Variants in FAM89A observed in about 807,000 individuals in gnomAD.
The protein encoded by FAM89A is protein FAM89A.
In FAM89A, 10 loss-of-function variants were observed where a neutral mutation model predicts 7.1. That is an observed-to-expected ratio of 1.40 (90% CI 0.86 to 2.38). The LOEUF (loss-of-function observed/expected upper bound fraction) is 2.38. FAM89A is among the 30% of genes most tolerant of loss of function. The pLI, the probability that FAM89A is intolerant of heterozygous loss-of-function variation, is 0.00. For missense variants in FAM89A, 276 were observed against 262.8 expected (o/e 1.05, Z -0.35); for synonymous variants, 157 against 129.3 (o/e 1.21, Z -1.45).
Position 231,026,071 on chromosome 1 carries a change from TAA to T in FAM89A, c.292-5947_292-5946del, listed in dbSNP as rs35151430. ...AACTGTGGATAAATTGCTCAGCTCC[TAA>T]AAAAAAAAAAAAAAAATCAATAGCC... On this transcript the variant is annotated intron_variant, in intron 1 of 1. Coordinates refer to ENST00000366654, the MANE Select transcript of FAM89A (RefSeq NM_198552.3). The T allele has an allele frequency of 8.8e-4, 122 of 138,502 alleles. No individual in the cohort carries two copies. In the Middle Eastern group the frequency reaches 0.046, roughly 52 times the overall value. The allele number at this position is 138,502 out of a possible 1,614,324, so 8.6% of individuals were successfully genotyped here. A position where few individuals can be genotyped will look rare whatever the true frequency, so the allele number is the denominator to read the frequency against.
intron 1 of FAM89A, chr1:231,021,871 T>C (rs1274443057): frequency 1.2e-5 from 19 of 1,584,840 alleles, no homozygotes; most frequent in East Asian, 2.2e-5. Context: ...CCCAGGACCA[T>C]GCTGACAGCT....
chr1:231,026,448 C>T (rs1221668436), intron 1 of FAM89A: 6 of 152,190 alleles, frequency 3.9e-5, no homozygotes, highest in Admixed American at 2.0e-4. Context: ...CAAACCAATA[C>T]GATTATTTTA....
chr1:231,027,357 G>A (rs534531062), intron 1 of FAM89A, among the ~76,000 whole-genome samples: 4 of 152,280 alleles, frequency 2.6e-5, no homozygotes, highest in East Asian at 1.9e-4. Context: ...AATCCTGACC[G>A]CCTAGGAATA....
chr1:231,032,255 T>C (rs1044970390), intron 1 of FAM89A, among the ~76,000 whole-genome samples: 1 of 152,180 alleles, frequency 6.6e-6, no homozygotes, highest in African/African-American at 2.4e-5. Flanking sequence ...AGAAAGCCAT[T>C]TCAGAGTTTT....
intron 1 of FAM89A, among the ~76,000 whole-genome samples, chr1:231,031,844 A>G (rs949370872): frequency 2.6e-5 from 4 of 152,202 alleles, no homozygotes; most frequent in South Asian, 2.1e-4. Context: ...TATCACTATT[A>G]TAAAAAATCC....
intron 1 of FAM89A, among the ~76,000 whole-genome samples, chr1:231,024,924 T>TC (rs1214004642): frequency 1.4e-5 from 2 of 138,110 alleles, no homozygotes; most frequent in African/African-American, 5.4e-5. Flanking sequence ...CTTTTTTTTT[T>TC]TTTTTTTTTT....
At chr1:231,026,199 A>T (rs1679966652) in intron 1 of FAM89A, 1 of 154,588 alleles carries the variant, frequency 6.5e-6, no homozygotes, top group African/African-American at 2.4e-5. Flanking sequence ...CTCTGAAAAC[A>T]GAAGCGCCCC....
rs1679848239 is a variant in FAM89A at position 231,020,146 on chromosome 1, A to G, written c.292-20T>C. Reference sequence around the variant, plus strand: ...ACCAACCTTGAGGGAAGGGGTGGGGAGGTAAAAAACGAGAAGTCAGCACTT... The same window carrying G: ...ACCAACCTTGAGGGAAGGGGTGGGGGGGTAAAAAACGAGAAGTCAGCACTT... On this transcript the variant is annotated intron_variant, in intron 1 of 1. Coordinates refer to ENST00000366654, the MANE Select transcript of FAM89A (RefSeq NM_198552.3). The G allele has an allele frequency of 1.3e-6, 2 of 1,579,042 alleles. No individual in the cohort carries two copies. Among genetic ancestry groups the G allele is most frequent in the Non-Finnish European group, 8.6e-7 (1 of 1,160,852 alleles).
chr1:231,027,611 C>G (rs560048338), intron 1 of FAM89A, among the ~76,000 whole-genome samples: 2 of 152,172 alleles, frequency 1.3e-5, no homozygotes, highest in Non-Finnish European at 2.9e-5. Flanking sequence ...CTTCCTAGCC[C>G]GGGCCCCTCT....
intron 1 of FAM89A, among the ~76,000 whole-genome samples, chr1:231,032,960 C>T (rs1015404584): frequency 6.6e-5 from 10 of 152,226 alleles, no homozygotes; most frequent in African/African-American, 9.6e-5. Context: ...TCATGGCTGT[C>T]GGGGCCAATC....
At chr1:231,027,649 A>T (rs1679997036) in intron 1 of FAM89A, among the ~76,000 whole-genome samples, 1 of 151,470 alleles carries the variant, frequency 6.6e-6, no homozygotes, top group Admixed American at 6.6e-5. Flanking sequence ...TTAAACAGCG[A>T]CACTTAACAT....
chr1:231,036,602 A>G (rs993780926), intron 1 of FAM89A, among the ~76,000 whole-genome samples: 10 of 151,546 alleles, frequency 6.6e-5, no homozygotes, highest in African/African-American at 2.4e-4. Context: ...TGAAACCACA[A>G]CTCTCCAAGC....
At chr1:231,022,278 A>G (rs1679892844) in intron 1 of FAM89A, 1 of 735,970 alleles carries the variant, frequency 1.4e-6, no homozygotes, top group Non-Finnish European at 2.4e-6. Context: ...CTGTTTTGAA[A>G]CCCACGTCTG....
chr1:231,021,609 C>A, intron 1 of FAM89A: 2 of 1,475,738 alleles, frequency 1.4e-6, no homozygotes, highest in South Asian at 1.1e-5. Flanking sequence ...CCAAAGAGCA[C>A]AATGAGTACA....
chr1:231,019,839 C>T lies in FAM89A; in HGVS notation c.*24G>A. On this transcript the variant is annotated 3_prime_UTR_variant, in exon 2 of 2. Coordinates refer to ENST00000366654, the MANE Select transcript of FAM89A (RefSeq NM_198552.3). ...GTGTCCAGTAGGAAGGGCTTCCCAACAGTCACATCCCTCCCAAGACCCTCT... is the reference window on the plus strand; with the variant it reads ...GTGTCCAGTAGGAAGGGCTTCCCAATAGTCACATCCCTCCCAAGACCCTCT... 6.2e-7 allele frequency: 1 copy of T among 1,600,516 alleles called. No individual in the cohort carries two copies. The highest frequency in any genetic ancestry group is 8.5e-7 in the Non-Finnish European group (1 of 1,170,568).
rs1209044312 is a variant in FAM89A, at chr1:231,039,992, C to A, written c.220G>T (p.Ala74Ser). The change falls in exon 1 of 2, where the codon GCC (alanine) becomes TCC (serine). Residue 74 changes from alanine to serine, a missense_variant. Transcript: ENST00000366654. ...LSRGGPGGGG[A>S]RAAALPAKPP... is the part of the protein sequence containing the mutation. ...TTGGCGGGCAGCGCTGCCGCCCGGG[C>A]CCCGCCGCCGCCCGGGCCCCCGCGG... 2.2e-6 allele frequency: 3 copies of A among 1,384,914 alleles called. No individual in the cohort carries two copies. Among genetic ancestry groups the A allele is most frequent in the Admixed American group, 3.5e-5 (1 of 28,926 alleles). The allele number at this position is 1,384,914 out of a possible 1,614,324, so 85.8% of individuals were successfully genotyped here.
rs377038039 is a variant in FAM89A, at chr1:231,038,959, G to A, written c.291+962C>T. 5.3e-4 allele frequency among the ~76,000 whole-genome samples: 80 copies of A among 152,332 alleles called. 1 individual carries two copies. In the South Asian group the frequency reaches 9.7e-3, roughly 19 times the overall value. Reference sequence around the variant, plus strand: ...TATAGGGAAAGGAGACAACCTGGACGAGGTGAATGGAAAGGGAGGCTTTTA... The same window carrying A: ...TATAGGGAAAGGAGACAACCTGGACAAGGTGAATGGAAAGGGAGGCTTTTA... On this transcript the variant is annotated intron_variant, in intron 1 of 1. Transcript: ENST00000366654.
rs367649384 is a variant in FAM89A, at chr1:231,019,813, C to A, written c.*50G>T. Reference sequence around the variant, plus strand: ...CAAGAGAAGCAGCAAATGATGACAGCGTGTCCAGTAGGAAGGGCTTCCCAA... The same window carrying A: ...CAAGAGAAGCAGCAAATGATGACAGAGTGTCCAGTAGGAAGGGCTTCCCAA... On this transcript the variant is annotated 3_prime_UTR_variant, in exon 2 of 2. Coordinates refer to ENST00000366654, the MANE Select transcript of FAM89A (RefSeq NM_198552.3). 6.3e-7 allele frequency: 1 copy of A among 1,578,388 alleles called. No individual in the cohort carries two copies. The highest frequency in any genetic ancestry group is 2.3e-5 in the East Asian group (1 of 44,382).
In FAM89A at chr1:231,040,030, T is replaced by C; in HGVS notation, c.182A>G (p.Gln61Arg). The C allele has an allele frequency of 6.9e-7, 1 of 1,442,274 alleles. No individual in the cohort carries two copies. Among genetic ancestry groups the C allele is most frequent in the Non-Finnish European group, 9.1e-7 (1 of 1,100,594 alleles). The allele number at this position is 1,442,274 out of a possible 1,614,324, so 89.3% of individuals were successfully genotyped here. A position where few individuals can be genotyped will look rare whatever the true frequency, so the allele number is the denominator to read the frequency against. The change falls in exon 1 of 2, where the codon CAG (glutamine) becomes CGG (arginine). Residue 61 changes from glutamine to arginine, a missense_variant. Transcript: ENST00000366654. ...CGGGCCCCCGCGGCTCAGCTCGTCCTGGATGCGCGACTTCTGCGCGTACAG... is the reference window on the plus strand; with the variant it reads ...CGGGCCCCCGCGGCTCAGCTCGTCCCGGATGCGCGACTTCTGCGCGTACAG... Reference protein sequence around the residue: ...ERLYAQKSRIQDELSRGGPGG... With the variant: ...ERLYAQKSRIRDELSRGGPGG...
Sources: allele counts gnomAD v4.1 joint callset (sites outside exome capture counted in the v4.1 genomes callset), GRCh38; gene constraint gnomAD v4.1.1; transcripts MANE v1.5; gene names NCBI Gene and HGNC (gene_info 2026-07-23, HGNC 2026-07-21).